The following CADPS2 variants were observed in gnomAD, a reference collection of about 807,000 sequenced individuals.
The protein encoded by CADPS2 is calcium-dependent secretion activator 2.
Under a neutral mutation model 172.5 loss-of-function variants are expected in CADPS2, and 93 were observed. That is an observed-to-expected ratio of 0.54 (90% confidence interval 0.46 to 0.64). The LOEUF is 0.64. CADPS2 is among the 30% of genes least tolerant of loss of function. CADPS2 has a pLI of 0.00. For missense variants in CADPS2, 1,420 were observed against 1,565.9 expected (o/e 0.91, Z 1.57); for synonymous variants, 546 against 555.2 (o/e 0.98, Z 0.23).
At chr7:122,692,200 G>A (rs1236368191) in intron 2 of CADPS2, among the ~76,000 whole-genome samples, 7 of 152,076 alleles carry the variant, frequency 4.6e-5, no homozygotes, top group African/African-American at 9.7e-5. Flanking sequence ...CATGACTGCC[G>A]ACATTACTTG....
At chr7:122,806,159 C>A (rs532539300) in intron 1 of CADPS2, among the ~76,000 whole-genome samples, 1 of 152,244 alleles carries the variant, frequency 6.6e-6, no homozygotes, top group South Asian at 2.1e-4. Flanking sequence ...TATTCATAAG[C>A]AATTTACAAA....
chr7:122,366,647 A>ATG (rs2040910068), intron 25 of CADPS2: 1 of 139,228 alleles, frequency 7.2e-6, no homozygotes, highest in African/African-American at 3.0e-5. Flanking sequence ...ACACACACAC[A>ATG]TATATATACA....
At chr7:122,401,432 G>A (rs1216055142) in intron 20 of CADPS2, among the ~76,000 whole-genome samples, 1 of 152,132 alleles carries the variant, frequency 6.6e-6, no homozygotes, top group Non-Finnish European at 1.5e-5. Flanking sequence ...CCAAGGGTTT[G>A]CGTTTCAGTA....
At chr7:122,414,393 T>TA (rs1436164239) in intron 18 of CADPS2, among the ~76,000 whole-genome samples, 1 of 152,212 alleles carries the variant, frequency 6.6e-6, no homozygotes, top group Non-Finnish European at 1.5e-5. Flanking sequence ...TTTGCTGAAA[T>TA]ATATACTGCA....
chr7:122,821,500 C>A (rs980551026), intron 1 of CADPS2, among the ~76,000 whole-genome samples: 5 of 152,292 alleles, frequency 3.3e-5, no homozygotes, highest in Non-Finnish European at 5.9e-5. Flanking sequence ...TGCCCTGAGT[C>A]AGGTAACTAA....
intron 7 of CADPS2, 136 bp downstream of exon 7, chr7:122,581,043 C>T (rs2068738177): frequency 1.3e-5 from 8 of 619,902 alleles, no homozygotes; most frequent in Non-Finnish European, 2.0e-5. Context: ...GTATACTGGG[C>T]TTGTGGGAAA....
chr7:122,599,226 G>C (rs920696136), intron 6 of CADPS2, among the ~76,000 whole-genome samples: 1 of 151,972 alleles, frequency 6.6e-6, no homozygotes, highest in Non-Finnish European at 1.5e-5. Context: ...CCTCCAAAAC[G>C]CAACAGAATT....
intron 20 of CADPS2, among the ~76,000 whole-genome samples, chr7:122,406,159 G>A (rs1423274867): frequency 6.6e-6 from 1 of 152,114 alleles, no homozygotes; most frequent in African/African-American, 2.4e-5. Context: ...TCATGTCTAT[G>A]TGATTTCCCC....
chr7:122,868,048 T>G (rs956262179), intron 1 of CADPS2, among the ~76,000 whole-genome samples: 3 of 152,022 alleles, frequency 2.0e-5, no homozygotes, highest in African/African-American at 7.2e-5. Flanking sequence ...AATGCCAGAG[T>G]GAGCACTTCT....
At chr7:122,593,423 G>A (rs1013945418) in intron 6 of CADPS2, among the ~76,000 whole-genome samples, 6 of 152,034 alleles carry the variant, frequency 3.9e-5, no homozygotes, top group African/African-American at 1.4e-4. Flanking sequence ...CCAAGAGACA[G>A]ATTCTGGGCT....
chr7:122,721,144 C>T (rs1281041064), intron 2 of CADPS2, among the ~76,000 whole-genome samples: 1 of 151,948 alleles, frequency 6.6e-6, no homozygotes. Flanking sequence ...TACCCCACTC[C>T]AAGCTGGTAA....
chr7:122,836,192 G>A (rs573503660), intron 1 of CADPS2, among the ~76,000 whole-genome samples: 2 of 152,192 alleles, frequency 1.3e-5, no homozygotes, highest in African/African-American at 2.4e-5. Flanking sequence ...CTTCATAAGT[G>A]AAGGAGAAAT....
At chr7:122,342,910 G>T (rs2036999441) in intron 28 of CADPS2, among the ~76,000 whole-genome samples, 1 of 152,142 alleles carries the variant, frequency 6.6e-6, no homozygotes, top group East Asian at 1.9e-4. Flanking sequence ...TATTTATAGG[G>T]TCATTATTTT....
intron 1 of CADPS2, among the ~76,000 whole-genome samples, chr7:122,742,403 T>C (rs2092531640): frequency 2.0e-5 from 3 of 151,726 alleles, no homozygotes; most frequent in African/African-American, 4.8e-5. Flanking sequence ...AAAAAAAAAT[T>C]AATTAAAATA....
chr7:122,643,809 G>C (rs1563942321), intron 3 of CADPS2, among the ~76,000 whole-genome samples: 3 of 152,082 alleles, frequency 2.0e-5, no homozygotes, highest in Admixed American at 2.0e-4. Flanking sequence ...TAAAACCATG[G>C]ACTTGGCACG....
chr7:122,560,731 T>G (rs2132190352), intron 7 of CADPS2, among the ~76,000 whole-genome samples: 1 of 152,290 alleles, frequency 6.6e-6, no homozygotes, highest in East Asian at 1.9e-4. Context: ...TTAGTTGATG[T>G]TTCTTTTTCT....
chr7:122,770,672 T>C (rs1017661341), intron 1 of CADPS2, among the ~76,000 whole-genome samples: 1 of 152,134 alleles, frequency 6.6e-6, no homozygotes, highest in Non-Finnish European at 1.5e-5. Flanking sequence ...AGATCAATTA[T>C]CCAGAGGGCT....
intron 4 of CADPS2, among the ~76,000 whole-genome samples, chr7:122,624,700 G>A (rs1034931877): frequency 1.2e-4 from 18 of 152,248 alleles, no homozygotes; most frequent in Admixed American, 1.2e-3. Context: ...AAAAGGGAGG[G>A]AGTCTACAAA....
chr7:122,330,453 C>T (rs35285118), intron 28 of CADPS2, among the ~76,000 whole-genome samples: 35,346 of 151,954 alleles, frequency 0.23, 4,496 homozygotes, highest in Non-Finnish European at 0.28. Context: ...AACACTAAAA[C>T]GCAAATGTTA....
Sources: gnomAD v4.1 joint callset for allele counts (sites outside exome capture counted in the v4.1 genomes callset) on GRCh38, gnomAD v4.1.1 for gene constraint, MANE v1.5 for transcripts, NCBI Gene and HGNC (gene_info 2026-07-23, HGNC 2026-07-21) for gene names.